Variants in MAGI1 observed in about 807,000 individuals in gnomAD.
MAGI1 encodes membrane associated guanylate kinase, WW and PDZ domain containing 1, also known as membrane-associated guanylate kinase, WW and PDZ domain-containing protein 1.
In MAGI1, 58 loss-of-function variants were observed where a neutral mutation model predicts 139.9. That is an observed-to-expected ratio of 0.41 (90% CI 0.34 to 0.52). MAGI1 has a LOEUF of 0.52. Ranked by LOEUF, MAGI1 falls within the 20% of genes least tolerant of loss-of-function variation. The probability of loss-of-function intolerance (pLI) is 0.12; values close to 1 mark genes in which losing one functional copy is unlikely to be tolerated. For missense variants in MAGI1, 1,874 were observed against 1,901.6 expected (o/e 0.99, Z 0.27); for synonymous variants, 812 against 737.9 (o/e 1.10, Z -1.63).
chr3:65,541,409 T>G (rs371247405), intron 2 of MAGI1, among the ~76,000 whole-genome samples: 5 of 152,338 alleles, frequency 3.3e-5, no homozygotes, highest in East Asian at 1.9e-4. Context: ...GACTCCTCCC[T>G]AACTCATTTT....
chr3:65,404,031 C>A (rs1255802475), intron 12 of MAGI1, among the ~76,000 whole-genome samples: 1 of 152,188 alleles, frequency 6.6e-6, no homozygotes, highest in Non-Finnish European at 1.5e-5. Context: ...CAGCAGGAGA[C>A]AGGTGTTCCA....
chr3:65,652,064 A>G (rs2085616030), intron 1 of MAGI1, among the ~76,000 whole-genome samples: 1 of 152,188 alleles, frequency 6.6e-6, no homozygotes, highest in South Asian at 2.1e-4. Flanking sequence ...ATTTATATAC[A>G]TGCAATCCAA....
At chr3:65,425,392 G>T (rs992227817) in intron 12 of MAGI1, among the ~76,000 whole-genome samples, 1 of 152,162 alleles carries the variant, frequency 6.6e-6, no homozygotes, top group African/African-American at 2.4e-5. Flanking sequence ...GCAGAAGCCA[G>T]GATTTAAACT....
At chr3:65,890,424 C>A (rs987552631) in intron 1 of MAGI1, among the ~76,000 whole-genome samples, 4 of 151,906 alleles carry the variant, frequency 2.6e-5, no homozygotes, top group Non-Finnish European at 5.9e-5. Context: ...CACACACAGG[C>A]ACACACACAC....
chr3:65,796,066 A>AAAG (rs1559890849), intron 1 of MAGI1, among the ~76,000 whole-genome samples: 1 of 143,516 alleles, frequency 7.0e-6, no homozygotes, highest in African/African-American at 2.6e-5. Context: ...AAAAAAAAAA[A>AAAG]AAAAGAAAAG....
At chr3:65,992,150 C>G (rs947134182) in intron 1 of MAGI1, among the ~76,000 whole-genome samples, 1 of 152,086 alleles carries the variant, frequency 6.6e-6, no homozygotes, top group African/African-American at 2.4e-5. Context: ...CTCACAAAAC[C>G]ATAACATCCT....
intron 4 of MAGI1, among the ~76,000 whole-genome samples, chr3:65,473,386 C>G (rs1301390436): frequency 6.6e-6 from 1 of 152,044 alleles, no homozygotes; most frequent in Non-Finnish European, 1.5e-5. Flanking sequence ...ATGCAAAGTG[C>G]CTGGCACCTG....
chr3:65,361,248 G>A lies in MAGI1; in HGVS notation c.3585C>T (p.Arg1195=). ...RAIELIKNGG[R]RVRLFLKRGD... is the part of the protein sequence containing the mutation. Reference sequence around the variant, plus strand: ...CCCGCTTCAGAAACAGACGAACTCTGCGGCCACCATTCTTAATCAGTTCTA... The same window carrying A: ...CCCGCTTCAGAAACAGACGAACTCTACGGCCACCATTCTTAATCAGTTCTA... The change falls in exon 22 of 23, where the codon CGC becomes CGT. Residue 1195 remains arginine, a synonymous_variant. Transcript: ENST00000402939. 1 of 1,614,148 alleles carries A rather than the reference G, an allele frequency of 6.2e-7. No individual in the cohort carries two copies.
chr3:65,519,228 T>G (rs1263560139), intron 2 of MAGI1, among the ~76,000 whole-genome samples: 1 of 151,816 alleles, frequency 6.6e-6, no homozygotes, highest in Non-Finnish European at 1.5e-5. Flanking sequence ...AGAGAGACAA[T>G]GAGGACTTGA....
chr3:65,475,350 A>G (rs1950832959), intron 4 of MAGI1, among the ~76,000 whole-genome samples: 1 of 152,004 alleles, frequency 6.6e-6, no homozygotes, highest in Admixed American at 6.6e-5. Flanking sequence ...AGTAGCTTGT[A>G]TTACAGGCAC....
chr3:65,914,786 A>G (rs190409737), intron 1 of MAGI1, among the ~76,000 whole-genome samples: 14 of 152,356 alleles, frequency 9.2e-5, no homozygotes, highest in East Asian at 5.8e-4. Flanking sequence ...ATATATGTAC[A>G]TATACAAAGG....
intron 18 of MAGI1, among the ~76,000 whole-genome samples, chr3:65,370,947 G>C (rs1941925676): frequency 6.6e-6 from 1 of 152,232 alleles, no homozygotes; most frequent in African/African-American, 2.4e-5. Flanking sequence ...GTGTGCCACT[G>C]CACCCAGCTG....
At chr3:65,575,977 T>C (rs143209712) in intron 2 of MAGI1, among the ~76,000 whole-genome samples, 19 of 152,254 alleles carry the variant, frequency 1.2e-4, no homozygotes, top group African/African-American at 4.6e-4. Flanking sequence ...TTCGTTTTCT[T>C]AATTGTGGTG....
At chr3:65,997,126 G>T (rs1281077558) in intron 1 of MAGI1, among the ~76,000 whole-genome samples, 1 of 152,004 alleles carries the variant, frequency 6.6e-6, no homozygotes, top group South Asian at 2.1e-4. Context: ...GGTTTTTGTT[G>T]TAGGGAGTAC....
At chr3:65,994,920 G>C (rs1331096800) in intron 1 of MAGI1, among the ~76,000 whole-genome samples, 2 of 152,160 alleles carry the variant, frequency 1.3e-5, no homozygotes, top group African/African-American at 4.8e-5. Context: ...TCTTTCCTCT[G>C]TCCTCCACAA....
chr3:65,834,187 C>G (rs2042681118), intron 1 of MAGI1, among the ~76,000 whole-genome samples: 2 of 152,164 alleles, frequency 1.3e-5, no homozygotes, highest in South Asian at 4.1e-4. Context: ...GAGGTAGGAA[C>G]ATGAAGATAT....
At chr3:65,925,450 AC>A (rs1186214016) in intron 1 of MAGI1, among the ~76,000 whole-genome samples, 2 of 152,220 alleles carry the variant, frequency 1.3e-5, no homozygotes, top group African/African-American at 4.8e-5. Flanking sequence ...ACTGCAAACA[AC>A]CCAAGGCCAG....
At chr3:65,743,625 G>C (rs1055605188) in intron 1 of MAGI1, among the ~76,000 whole-genome samples, 1 of 152,022 alleles carries the variant, frequency 6.6e-6, no homozygotes, top group African/African-American at 2.4e-5. Flanking sequence ...CAGGAGAATT[G>C]CTTGAACCTG....
chr3:65,360,631 G>C, intron 22 of MAGI1: 1 of 985,646 alleles, frequency 1.0e-6, no homozygotes. Flanking sequence ...GTTTTTGTTT[G>C]TTTGTTTGAT....
Sources: gnomAD v4.1 joint callset for allele counts (sites outside exome capture counted in the v4.1 genomes callset) on GRCh38, gnomAD v4.1.1 for gene constraint, MANE v1.5 for transcripts, NCBI Gene and HGNC (gene_info 2026-07-23, HGNC 2026-07-21) for gene names.